The following PKHD1 variants were observed in gnomAD, a reference collection of about 807,000 sequenced individuals.
PKHD1 encodes the protein fibrocystin.
In PKHD1, 291 loss-of-function variants were observed where a neutral mutation model predicts 412.0. The observed-to-expected ratio is 0.71, with a 90% CI of 0.64 to 0.78. The LOEUF is 0.78. Ranked by LOEUF, PKHD1 falls within the 30% of genes least tolerant of loss-of-function variation. The pLI, the probability that PKHD1 is intolerant of heterozygous loss-of-function variation, is 0.00. For synonymous variants in PKHD1, 1,777 were observed against 1,821.5 expected (o/e 0.98, Z 0.62); for missense variants, 4,825 against 4,950.7 (o/e 0.97, Z 0.76).
At chr6:51,869,035 A>G (rs1420298705) in intron 47 of PKHD1, among the ~76,000 whole-genome samples, 2 of 152,138 alleles carry the variant, frequency 1.3e-5, no homozygotes, top group Non-Finnish European at 2.9e-5. Context: ...ATAAAATGAA[A>G]AAGATACAAA....
chr6:51,864,342 A>G (rs1197205609), intron 48 of PKHD1, among the ~76,000 whole-genome samples: 2 of 152,232 alleles, frequency 1.3e-5, no homozygotes, highest in African/African-American at 4.8e-5. Flanking sequence ...TCAGATCTGC[A>G]TTTAGAAAGT....
At chr6:52,049,416 C>T (rs149172880) in intron 22 of PKHD1, among the ~76,000 whole-genome samples, 226 of 152,316 alleles carry the variant, frequency 1.5e-3, no homozygotes, top group African/African-American at 5.2e-3. Flanking sequence ...TTATGTGGTG[C>T]ATGACTGTAT....
intron 4 of PKHD1, among the ~76,000 whole-genome samples, 153 bp downstream of exon 4, chr6:52,082,239 C>G (rs1373987860): frequency 6.6e-6 from 1 of 152,186 alleles, no homozygotes; most frequent in South Asian, 2.1e-4. Context: ...AGATAGGGAC[C>G]TTTTAGAAAG....
At chr6:52,072,323 G>A in intron 7 of PKHD1, 134 bp from the exon 8 acceptor site, 1 of 699,930 alleles carries the variant, frequency 1.4e-6, no homozygotes, top group South Asian at 1.5e-5. Flanking sequence ...TATTGCAGGT[G>A]GCTGAAGGCG....
At chr6:51,846,326 G>A (rs140637595) in intron 50 of PKHD1, among the ~76,000 whole-genome samples, 2 of 152,274 alleles carry the variant, frequency 1.3e-5, no homozygotes, top group East Asian at 3.9e-4. Flanking sequence ...GGCAAAGGGT[G>A]GACTCAGGAC....
At chr6:51,730,542 T>A (rs1289501792) in intron 60 of PKHD1, among the ~76,000 whole-genome samples, 1 of 152,246 alleles carries the variant, frequency 6.6e-6, no homozygotes, top group Non-Finnish European at 1.5e-5. Context: ...TTTAGAAGTT[T>A]ATTCCATCAA....
chr6:51,925,996 G>T (rs573135370), intron 37 of PKHD1, among the ~76,000 whole-genome samples: 1 of 149,682 alleles, frequency 6.7e-6, no homozygotes, highest in African/African-American at 2.4e-5. Context: ...AAAGTAAAGT[G>T]CTTGCCCTCA....
chr6:51,883,564 T>C (rs985300571), intron 45 of PKHD1, among the ~76,000 whole-genome samples: 4 of 152,344 alleles, frequency 2.6e-5, no homozygotes, highest in African/African-American at 9.6e-5. Context: ...AGAACTCTAG[T>C]GCTTAACATT....
intron 59 of PKHD1, 55 bp from the exon 60 acceptor site, chr6:51,744,597 A>T (rs1286325541): frequency 3.0e-6 from 4 of 1,349,936 alleles, no homozygotes; most frequent in African/African-American, 1.4e-5. Flanking sequence ...AGCAAGAAGA[A>T]AATATACATT....
intron 55 of PKHD1, among the ~76,000 whole-genome samples, chr6:51,760,234 A>T (rs1015196743): frequency 6.6e-6 from 1 of 152,128 alleles, no homozygotes; most frequent in African/African-American, 2.4e-5. Context: ...AAGCTCAATA[A>T]GTTCTGATTT....
intron 52 of PKHD1, among the ~76,000 whole-genome samples, chr6:51,799,113 C>A (rs531828411): frequency 1.0e-5 from 1 of 96,816 alleles, no homozygotes; most frequent in South Asian, 4.8e-4. Context: ...TTTCTCAGGA[C>A]CTAGAAGAAT....
In PKHD1 at chr6:51,906,249, T is replaced by C. The variant is rs34796823; in HGVS notation, c.6774A>G (p.Val2258=). The C allele has an allele frequency of 6.2e-7, 1 of 1,611,660 alleles. No homozygotes were observed. Among genetic ancestry groups the C allele is most frequent in the Non-Finnish European group, 8.5e-7 (1 of 1,178,140 alleles). Residue 2258 remains valine, a synonymous_variant, in exon 41 of 67, where the codon GTA becomes GTG. Transcript: ENST00000371117. ...GCGCATGACCTAAAATATTGTAGAATACATTACTGTCCACCTTCAGGCCCA... is the reference window on the plus strand; with the variant it reads ...GCGCATGACCTAAAATATTGTAGAACACATTACTGTCCACCTTCAGGCCCA... ...GTLGLKVDSN[V]FYNILGHALL...
Position 51,754,792 on chromosome 6 carries a change from C to T in PKHD1, c.8789G>A (p.Arg2930Gln), listed in dbSNP as rs767738190. The change falls in exon 56 of 67, where the codon CGG becomes CAG. Residue 2930 changes from arginine (R) to glutamine (Q), a missense_variant. By Grantham distance (43) the Arg-to-Gln change is conservative (BLOSUM62 1). Coordinates refer to ENST00000371117, the MANE Select transcript of PKHD1 (RefSeq NM_138694.4). ...ACAAACCAAAGCCTTACCAATATGC[C>T]GGTGTTTGAGCCGTTCATAGATCCT... is the stretch of plus-strand genomic sequence containing the variant. The part of the protein sequence containing the change: ...HVRIYERLKH[R>Q]HIGSVHVTED... 2.0e-5 allele frequency: 33 copies of T among 1,613,362 alleles called. No individual in the cohort carries two copies. The highest frequency in any genetic ancestry group is 1.7e-4 in the Middle Eastern group (1 of 6,056).
At chr6:51,963,422 T>C (rs1256220163) in intron 35 of PKHD1, among the ~76,000 whole-genome samples, 1 of 152,162 alleles carries the variant, frequency 6.6e-6, no homozygotes, top group Non-Finnish European at 1.5e-5. Flanking sequence ...TAAATGTTTA[T>C]TGATGTACTC....
intron 11 of PKHD1, 55 bp downstream of exon 11, chr6:52,069,402 G>A: frequency 1.5e-5 from 19 of 1,248,402 alleles, no homozygotes; most frequent in Non-Finnish European, 2.2e-5. Flanking sequence ...GGGAAGGAGG[G>A]GCCAACATTG....
Position 51,659,577 on chromosome 6 carries a change from G to A in PKHD1, c.10549C>T (p.Pro3517Ser), listed in dbSNP as rs773006043. ...HVFLGESFIP[P>S]TLVQSASLLL... ...AAGGAAGCTGACTGAACCAGAGTGGGTGGAATAAAACTTTCCCCTAAGAAG... is the reference window on the plus strand; with the variant it reads ...AAGGAAGCTGACTGAACCAGAGTGGATGGAATAAAACTTTCCCCTAAGAAG... Residue 3517 changes from proline to serine, a missense_variant, in exon 61 of 67, where the codon CCC (proline) becomes TCC (serine). Physicochemically the swap from Pro to Ser is moderately conservative, Grantham distance 74. Transcript: ENST00000371117. 1 of 1,613,740 alleles carries A rather than the reference G, an allele frequency of 6.2e-7. No individual in the cohort carries two copies. Among genetic ancestry groups the A allele is most frequent in the African/African-American group, 1.3e-5 (1 of 74,990 alleles).
Position 52,056,644 on chromosome 6 carries a change from A to G in PKHD1, c.1693+54T>C, listed in dbSNP as rs146551011. ...AATGGGGATTGTTCTCATTTTATAG[A>G]AAGAAAGAAGACCATGATGAAAAAG... On this transcript the variant is annotated intron_variant, in intron 18 of 66. Transcript: ENST00000371117. The G allele has an allele frequency of 2.7e-5, 34 of 1,264,600 alleles. No individual in the cohort carries two copies. The East Asian group carries it at 7.2e-4, about 27-fold the overall frequency. 78.3% of individuals were successfully genotyped at this position (1,264,600 alleles called of 1,614,324 possible).
intron 60 of PKHD1, among the ~76,000 whole-genome samples, chr6:51,685,981 A>G (rs1445918885): frequency 6.6e-6 from 1 of 152,050 alleles, no homozygotes; most frequent in Non-Finnish European, 1.5e-5. Flanking sequence ...ACTCCATCCA[A>G]ATTCCATTCC....
chr6:51,860,476 C>G (rs1472653490), intron 48 of PKHD1, among the ~76,000 whole-genome samples: 1 of 152,182 alleles, frequency 6.6e-6, no homozygotes, highest in Non-Finnish European at 1.5e-5. Flanking sequence ...TCCCCATGCC[C>G]TAAATAGCCA....
Sources: allele counts gnomAD v4.1 joint callset (sites outside exome capture counted in the v4.1 genomes callset), GRCh38; gene constraint gnomAD v4.1.1; transcripts MANE v1.5; gene names NCBI Gene and HGNC (gene_info 2026-07-23, HGNC 2026-07-21).